Variants in CDYL2 observed in about 807,000 individuals in gnomAD.
CDYL2 encodes chromodomain Y like 2, also known as chromodomain Y-like protein 2.
CDYL2 carries 23 observed loss-of-function variants against 49.4 expected under a neutral mutation model. The observed-to-expected ratio is 0.47, with a 90% CI of 0.34 to 0.66. CDYL2 has a LOEUF of 0.66. Among genes scored for constraint, CDYL2 ranks in the 30% least tolerant of loss-of-function variants. The pLI is 0.01. For synonymous variants in CDYL2, 360 were observed against 268.8 expected, an observed-to-expected ratio of 1.34 and a Z score of -3.32; for missense variants, 678 against 656.4, an observed-to-expected ratio of 1.03 and a Z score of -0.36.
intron 1 of CDYL2, among the ~76,000 whole-genome samples, chr16:80,712,925 T>A (rs1904670229): frequency 6.6e-6 from 1 of 152,170 alleles, no homozygotes; most frequent in Non-Finnish European, 1.5e-5. Flanking sequence ...AAATGTGGAC[T>A]TCCTGCTAGT....
chr16:80,605,527 TAAC>T (rs1258853360), intron 6 of CDYL2, among the ~76,000 whole-genome samples: 1 of 149,938 alleles, frequency 6.7e-6, no homozygotes, highest in East Asian at 1.9e-4. Context: ...ATAATCATAG[TAAC>T]AATAGCAATA....
intron 1 of CDYL2, among the ~76,000 whole-genome samples, chr16:80,692,312 C>G (rs1441151378): frequency 6.6e-6 from 1 of 152,134 alleles, no homozygotes; most frequent in African/African-American, 2.4e-5. Context: ...AAAATCAGGC[C>G]AACTTCAGAA....
rs546207255 is a variant in CDYL2 at position 80,641,064 on chromosome 16, C to A, written c.617-7828G>T. 7.2e-5 allele frequency among the ~76,000 whole-genome samples: 11 copies of A among 152,038 alleles called. No individual in the cohort carries two copies. In the East Asian group the frequency reaches 2.1e-3, roughly 29 times the overall value. The stretch of plus-strand genomic sequence containing the variant: ...CAAAGGGATAATAACAGAGAACTTC[C>A]CAAGCCTAGAGAAAGATATCAATAT... On this transcript the variant is annotated intron_variant, in intron 2 of 6. Coordinates refer to ENST00000570137, the MANE Select transcript of CDYL2 (RefSeq NM_152342.4).
chr16:80,648,488 C>T (rs978461768), intron 2 of CDYL2, among the ~76,000 whole-genome samples: 7 of 152,040 alleles, frequency 4.6e-5, no homozygotes, highest in African/African-American at 7.2e-5. Flanking sequence ...TAACAAGTAG[C>T]GATATCACAG....
intron 1 of CDYL2, among the ~76,000 whole-genome samples, chr16:80,782,829 T>C (rs937694061): frequency 5.3e-5 from 8 of 152,024 alleles, no homozygotes; most frequent in African/African-American, 1.9e-4. Context: ...TTTGAAAAAC[T>C]AGTAATAAAA....
intron 3 of CDYL2, chr16:80,628,008 T>C (rs1422859448): frequency 6.6e-6 from 1 of 152,240 alleles, no homozygotes; most frequent in Non-Finnish European, 1.5e-5. Context: ...TCAGGGTCCT[T>C]CTCTTTATAC....
At position 80,604,073 on chromosome 16, in the gene CDYL2, T is replaced by C; in HGVS notation, c.*315A>G. 1 of 347,100 alleles carries C rather than the reference T, an allele frequency of 2.9e-6. No individual in the cohort carries two copies. Among genetic ancestry groups the C allele is most frequent in the East Asian group, 5.7e-5 (1 of 17,540 alleles). 21.5% of individuals were successfully genotyped at this position (347,100 alleles called of 1,614,324 possible). A position where few individuals can be genotyped will look rare whatever the true frequency, so the allele number is the denominator to read the frequency against. ...GAAGAATGTGAAAGTGGTCTTCCCC[T>C]TCCTGGACCGTCATGGTGCATTTCA... On this transcript the variant is annotated 3_prime_UTR_variant, in exon 7 of 7. Transcript: ENST00000570137.
At chr16:80,737,000 G>A (rs1018229613) in intron 1 of CDYL2, among the ~76,000 whole-genome samples, 33 of 152,292 alleles carry the variant, frequency 2.2e-4, no homozygotes, top group South Asian at 2.1e-4. Flanking sequence ...CTGAGACTCT[G>A]CCTTTCTTTT....
chr16:80,763,902 G>A (rs1344269347), intron 1 of CDYL2, among the ~76,000 whole-genome samples: 1 of 152,124 alleles, frequency 6.6e-6, no homozygotes, highest in Admixed American at 6.5e-5. Flanking sequence ...ATTAACAGAT[G>A]TGTGTCAAGG....
At chr16:80,730,830 A>G (rs1470932885) in intron 1 of CDYL2, among the ~76,000 whole-genome samples, 1 of 152,246 alleles carries the variant, frequency 6.6e-6, no homozygotes, top group African/African-American at 2.4e-5. Flanking sequence ...CAGAGTAATT[A>G]TACTTAAAGA....
chr16:80,673,954 G>A (rs918644204), intron 2 of CDYL2, among the ~76,000 whole-genome samples: 5 of 152,290 alleles, frequency 3.3e-5, no homozygotes, highest in Admixed American at 2.0e-4. Context: ...CGAGGAGAAC[G>A]TGCAGCCTCT....
chr16:80,606,291 C>A (rs79191124), intron 6 of CDYL2, among the ~76,000 whole-genome samples: 13 of 152,196 alleles, frequency 8.5e-5, no homozygotes, highest in Admixed American at 3.3e-4. Context: ...GGAAACCCCC[C>A]CAGCATTCCT....
chr16:80,750,682 A>G (rs192663426), intron 1 of CDYL2, among the ~76,000 whole-genome samples: 1 of 152,202 alleles, frequency 6.6e-6, no homozygotes, highest in Non-Finnish European at 1.5e-5. Flanking sequence ...CCAAAGAACA[A>G]CTATGAAGGG....
At chr16:80,723,993 G>C (rs1339728033) in intron 1 of CDYL2, among the ~76,000 whole-genome samples, 1 of 150,234 alleles carries the variant, frequency 6.7e-6, no homozygotes, top group Non-Finnish European at 1.5e-5. Flanking sequence ...GAAGCAAGGA[G>C]AGAAAGAGGA....
At chr16:80,672,888 C>G (rs527300659) in intron 2 of CDYL2, among the ~76,000 whole-genome samples, 1 of 152,218 alleles carries the variant, frequency 6.6e-6, no homozygotes, top group African/African-American at 2.4e-5. Context: ...TTAACAGCAG[C>G]TCATTGGGCA....
rs79402166 is a variant in CDYL2, at chr16:80,761,035, C to A, written c.24+43115G>T. ...GTGCAATAGACTTCAGAATGTAGAG[C>A]GTTGTTAATTGTGAAGAAAAAGCCA... On this transcript the variant is annotated intron_variant, in intron 1 of 6. Coordinates refer to ENST00000570137, the MANE Select transcript of CDYL2 (RefSeq NM_152342.4). Among the ~76,000 whole-genome samples, 877 of 152,176 alleles carry A rather than the reference C, an allele frequency of 5.8e-3. 14 individuals are homozygous for A. The highest frequency in any genetic ancestry group is 0.013 in the East Asian group (68 of 5,186).
At chr16:80,672,333 AC>A (rs1909545926) in intron 2 of CDYL2, among the ~76,000 whole-genome samples, 1 of 115,280 alleles carries the variant, frequency 8.7e-6, no homozygotes, top group African/African-American at 2.6e-5. Flanking sequence ...ACACACACAC[AC>A]ACACACACAC....
At chr16:80,780,031 T>C (rs906898898) in intron 1 of CDYL2, among the ~76,000 whole-genome samples, 1 of 152,206 alleles carries the variant, frequency 6.6e-6, no homozygotes, top group Non-Finnish European at 1.5e-5. Context: ...CCTATGACTG[T>C]ATCTGATTGC....
chr16:80,684,754 T>A lies in CDYL2; in HGVS notation c.400A>T (p.Thr134Ser), dbSNP rs1350914242. Residue 134 changes from threonine (T) to serine (S), a missense_variant, in exon 2 of 7, where the codon ACG becomes TCG. By Grantham distance (58) the Thr-to-Ser change is moderately conservative (BLOSUM62 1). This residue lies in a region of CDYL2 where 478 missense variants were observed against 427.0 expected (regional missense o/e 1.12). Coordinates refer to ENST00000570137, the MANE Select transcript of CDYL2 (RefSeq NM_152342.4). ...CTGGGGGTAGTCCTGTAAGACACCG[T>A]CTTGGTGGCCCTGTCACCTCCTGAA... ...PSSGGDRATK[T>S]VSYRTTPSGL... The A allele has an allele frequency of 6.2e-7, 1 of 1,614,068 alleles. No individual in the cohort carries two copies. The highest frequency in any genetic ancestry group is 8.5e-7 in the Non-Finnish European group (1 of 1,180,044).
Sources: gnomAD v4.1 joint callset for allele counts (sites outside exome capture counted in the v4.1 genomes callset) on GRCh38, gnomAD v4.1.1 for gene constraint, gnomAD v4.1.1 regional missense constraint, MANE v1.5 for transcripts, NCBI Gene and HGNC (gene_info 2026-07-23, HGNC 2026-07-21) for gene names.